Variants in YLPM1 observed in about 807,000 individuals in gnomAD.
The protein encoded by YLPM1 is YLP motif-containing protein 1.
A neutral mutation model predicts 230.0 loss-of-function variants in YLPM1; 99 were observed. The observed-to-expected ratio is 0.43, with a 90% confidence interval of 0.37 to 0.51. The LOEUF (loss-of-function observed/expected upper bound fraction) is 0.51. Ranked by LOEUF, YLPM1 falls within the 20% of genes least tolerant of loss-of-function variation. The pLI is 0.00. For missense variants in YLPM1, 2,592 were observed against 2,707.7 expected (o/e 0.96, Z 0.95); for synonymous variants, 984 against 942.5 (o/e 1.04, Z -0.81).
chr14:74,826,671 A>G (rs11159104), intron 18 of YLPM1, among the ~76,000 whole-genome samples: 53,672 of 152,110 alleles, frequency 0.35, 11,443 homozygotes, highest in East Asian at 0.54. Flanking sequence ...ATTGGAAGTG[A>G]TGTGATTTTT....
chr14:74,776,875 A>G (rs2091045721), intron 1 of YLPM1, among the ~76,000 whole-genome samples: 1 of 152,060 alleles, frequency 6.6e-6, no homozygotes. Flanking sequence ...CCTGGGCAAC[A>G]TGGTGAAACT....
In YLPM1 at chr14:74,817,118, A is replaced by G. The variant is rs778820773; in HGVS notation, c.5862+11A>G. The G allele has an allele frequency of 3.8e-6, 6 of 1,598,716 alleles. No homozygotes were observed. The South Asian group carries it at 4.5e-5, about 12-fold the overall frequency. On this transcript the variant is annotated intron_variant, in intron 14 of 20. Coordinates refer to ENST00000325680, the MANE Select transcript of YLPM1 (RefSeq NM_019589.3). ...ACCAAGGGATTTGAGGTAGAAGCTT[A>G]AAGAACTTTAAAGTACTTTGTGTTG...
chr14:74,836,581 C>G lies in YLPM1; in HGVS notation c.*843C>G, dbSNP rs964747565. 6.6e-6 allele frequency: 1 copy of G among 152,488 alleles called. No individual in the cohort carries two copies. The highest frequency in any genetic ancestry group is 1.5e-5 in the Non-Finnish European group (1 of 68,028). 9.4% of individuals were successfully genotyped at this position (152,488 alleles called of 1,614,324 possible). On this transcript the variant is annotated 3_prime_UTR_variant, in exon 21 of 21. Coordinates refer to ENST00000325680, the MANE Select transcript of YLPM1 (RefSeq NM_019589.3). ...TGTTAGGTTTTTATTTTTTCCTGAT[C>G]TGGCTTTGAATTCTGGTAGACAGAA...
At chr14:74,806,619 A>G (rs966715652) in intron 6 of YLPM1, among the ~76,000 whole-genome samples, 1 of 152,192 alleles carries the variant, frequency 6.6e-6, no homozygotes, top group African/African-American at 2.4e-5. Flanking sequence ...AAAAAAAATA[A>G]TTGTATAACA....
chr14:74,796,026 T>G (rs529372455), intron 4 of YLPM1, among the ~76,000 whole-genome samples: 2 of 152,304 alleles, frequency 1.3e-5, no homozygotes, highest in South Asian at 2.1e-4. Flanking sequence ...ATTTTCACTC[T>G]CAGCTCCTTG....
At chr14:74,774,903 G>C (rs2091018328) in intron 1 of YLPM1, among the ~76,000 whole-genome samples, 1 of 152,148 alleles carries the variant, frequency 6.6e-6, no homozygotes, top group Non-Finnish European at 1.5e-5. Flanking sequence ...GCTCGCTGCT[G>C]CTGTCCAGCA....
At chr14:74,816,426 A>G (rs924491834) in intron 12 of YLPM1, 145 bp from the exon 13 acceptor site, 14 of 1,246,812 alleles carry the variant, frequency 1.1e-5, no homozygotes, top group Middle Eastern at 4.1e-4. Context: ...ATATATTTTT[A>G]TCTACTCAGA....
intron 16 of YLPM1, among the ~76,000 whole-genome samples, chr14:74,818,907 TTGTC>T (rs981306810): frequency 7.8e-6 from 1 of 127,398 alleles, no homozygotes; most frequent in African/African-American, 2.5e-5. Context: ...CAATTTGAAT[TTGTC>T]TGTTTGTTTC....
chr14:74,814,005 G>C (rs1288542130), intron 11 of YLPM1, among the ~76,000 whole-genome samples: 1 of 152,134 alleles, frequency 6.6e-6, no homozygotes, highest in Non-Finnish European at 1.5e-5. Flanking sequence ...AATAGACATG[G>C]CAAGAGTGGA....
At chr14:74,833,699 A>C (rs2091624364) in intron 19 of YLPM1, among the ~76,000 whole-genome samples, 1 of 152,150 alleles carries the variant, frequency 6.6e-6, no homozygotes, top group South Asian at 2.1e-4. Context: ...ATACACTAAA[A>C]ACCTACTTTC....
Position 74,821,090 on chromosome 14 carries a change from G to C in YLPM1, c.6064G>C (p.Glu2022Gln). 1 of 1,541,646 alleles carries C rather than the reference G, an allele frequency of 6.5e-7. No individual in the cohort carries two copies. Among genetic ancestry groups the C allele is most frequent in the Non-Finnish European group, 8.7e-7 (1 of 1,142,874 alleles). The change falls in exon 17 of 21, where the codon GAA (glutamate) becomes CAA (glutamine). Residue 2022 changes from glutamate to glutamine, a missense_variant. Physicochemically the swap from Glu to Gln is conservative, Grantham distance 29. Coordinates refer to ENST00000325680, the MANE Select transcript of YLPM1 (RefSeq NM_019589.3). ...EMEDFDANIE[E>Q]QKEEKKDAEE... ...GGAAGATTTTGATGCAAATATCGAA[G>C]AACAGAAAGAAGAAAAGAAAGATGC... is the stretch of plus-strand genomic sequence containing the variant.
intron 1 of YLPM1, among the ~76,000 whole-genome samples, chr14:74,766,625 C>T (rs187168979): frequency 6.7e-4 from 100 of 150,102 alleles, no homozygotes; most frequent in African/African-American, 2.4e-3. Flanking sequence ...TGCATGCCAC[C>T]ATGCCTGGCT....
At chr14:74,803,306 G>A (rs2270429) in intron 6 of YLPM1, among the ~76,000 whole-genome samples, 22,178 of 152,056 alleles carry the variant, frequency 0.15, 1,768 homozygotes, top group South Asian at 0.29. Context: ...GAGCATGCCA[G>A]GACTTCTTTT....
intron 6 of YLPM1, among the ~76,000 whole-genome samples, chr14:74,807,772 A>G (rs1444000894): frequency 1.3e-5 from 2 of 152,216 alleles, no homozygotes; most frequent in African/African-American, 4.8e-5. Context: ...ACAGATGACT[A>G]TTGTCAACCA....
intron 1 of YLPM1, among the ~76,000 whole-genome samples, chr14:74,766,721 A>G (rs749306842): frequency 2.7e-5 from 4 of 146,374 alleles, no homozygotes; most frequent in African/African-American, 1.0e-4. Flanking sequence ...CAAACAGTAC[A>G]CTGCCTTGAC....
At position 74,798,527 on chromosome 14, in the gene YLPM1, G is replaced by T; in HGVS notation, c.3230G>T (p.Gly1077Val). 6.2e-7 allele frequency: 1 copy of T among 1,613,988 alleles called. No individual in the cohort carries two copies. The highest frequency in any genetic ancestry group is 1.7e-5 in the Admixed American group (1 of 60,030). The change falls in exon 5 of 21, where the codon GGT (glycine) becomes GTT (valine). Residue 1077 changes from glycine (G) to valine (V), a missense_variant. Coordinates refer to ENST00000325680, the MANE Select transcript of YLPM1 (RefSeq NM_019589.3). Reference protein sequence around the residue: ...DSREKMNRGEGSRDRGLVRPG... With the variant: ...DSREKMNRGEVSRDRGLVRPG... ...CGAGAGAAGATGAACAGAGGAGAAGGTAGCCGGGACAGAGGGTTGGTGAGG... is the reference window on the plus strand; with the variant it reads ...CGAGAGAAGATGAACAGAGGAGAAGTTAGCCGGGACAGAGGGTTGGTGAGG...
Position 74,836,989 on chromosome 14 carries a change from G to A in YLPM1, c.*1251G>A, listed in dbSNP as rs543022843. ...AATTTGCATTTTGTAATCCAACTCA[G>A]TAATTTGTAAATGTGTTCACTGAAG... On this transcript the variant is annotated 3_prime_UTR_variant, in exon 21 of 21. Coordinates refer to ENST00000325680, the MANE Select transcript of YLPM1 (RefSeq NM_019589.3). 1.1e-4 allele frequency: 17 copies of A among 152,270 alleles called. No homozygotes were observed. The South Asian group carries it at 1.2e-3, about 11-fold the overall frequency. 9.4% of individuals were successfully genotyped at this position (152,270 alleles called of 1,614,324 possible). A position where few individuals can be genotyped will look rare whatever the true frequency, so the allele number is the denominator to read the frequency against.
chr14:74,784,958 A>G (rs1437426361), intron 4 of YLPM1, among the ~76,000 whole-genome samples: 2 of 152,234 alleles, frequency 1.3e-5, no homozygotes, highest in East Asian at 3.8e-4. Flanking sequence ...GCAGAGGAGC[A>G]TGGGCCTAGT....
chr14:74,835,754 A>G, intron 20 of YLPM1, 21 bp from the exon 21 acceptor site: 1 of 431,488 alleles, frequency 2.3e-6, no homozygotes, highest in South Asian at 1.7e-5. Flanking sequence ...CAGGTGTGAC[A>G]GCCTTTTCTT....
Sources: gnomAD v4.1 joint callset for allele counts (sites outside exome capture counted in the v4.1 genomes callset) on GRCh38, gnomAD v4.1.1 for gene constraint, MANE v1.5 for transcripts, NCBI Gene and HGNC (gene_info 2026-07-23, HGNC 2026-07-21) for gene names.